Variants in DNM3 observed in about 807,000 individuals in gnomAD.
DNM3 encodes the protein dynamin-3.
Under a neutral mutation model 101.6 loss-of-function variants are expected in DNM3, and 47 were observed. The ratio of observed to expected loss-of-function variants is 0.46; its 90% CI spans 0.37 to 0.59. The LOEUF (loss-of-function observed/expected upper bound fraction) is 0.59, where lower values mean the gene tolerates loss of function less well. Ranked by LOEUF, DNM3 falls within the 20% of genes least tolerant of loss-of-function variation. DNM3 has a pLI of 0.00. For missense variants in DNM3, 849 were observed against 1,085.7 expected (o/e 0.78, Z 3.06); for synonymous variants, 385 against 387.9 (o/e 0.99, Z 0.09).
intron 14 of DNM3, among the ~76,000 whole-genome samples, chr1:172,248,249 C>T (rs1269455486): frequency 1.3e-5 from 2 of 152,096 alleles, no homozygotes; most frequent in African/African-American, 4.8e-5. Context: ...ATCTTTGAAG[C>T]ATTAAAACTA....
At chr1:172,347,965 A>G (rs959581941) in intron 17 of DNM3, among the ~76,000 whole-genome samples, 4 of 152,064 alleles carry the variant, frequency 2.6e-5, no homozygotes, top group African/African-American at 9.7e-5. Context: ...TATATATAAT[A>G]TATTCTTTTT....
Position 172,131,275 on chromosome 1 carries a change from A to T in DNM3, c.1646A>T (p.Tyr549Phe), listed in dbSNP as rs562518281. 1.4e-5 allele frequency: 23 copies of T among 1,613,002 alleles called. No individual in the cohort carries two copies. The highest frequency in any genetic ancestry group is 1.8e-5 in the Non-Finnish European group (21 of 1,179,398). ...FVLTAESLSW[Y>F]KDDEEKEKKY... ...CTTACTGCGGAAAGCTTGTCCTGGT[A>T]TAAAGATGATGAGGTAAGTCACAGA... The change falls in exon 14 of 21, where the codon TAT becomes TTT. Residue 549 changes from tyrosine to phenylalanine, a missense_variant. Coordinates refer to ENST00000627582, the MANE Select transcript of DNM3 (RefSeq NM_015569.5).
intron 10 of DNM3, among the ~76,000 whole-genome samples, chr1:172,054,894 G>C (rs954698214): frequency 1.3e-5 from 2 of 152,068 alleles, no homozygotes; most frequent in Non-Finnish European, 2.9e-5. Flanking sequence ...GGGAAGCGGC[G>C]GTTGCAGTGA....
intron 2 of DNM3, among the ~76,000 whole-genome samples, chr1:171,953,363 C>T (rs2042650216): frequency 6.6e-6 from 1 of 151,506 alleles, no homozygotes; most frequent in Non-Finnish European, 1.5e-5. Context: ...TATCAGTTAT[C>T]TGACCTTTAA....
intron 14 of DNM3, 30 bp from the exon 15 acceptor site, chr1:172,253,524 CCTCTCCTCTCCTCTCCTCT>C: frequency 1.4e-5 from 18 of 1,257,578 alleles, no homozygotes; most frequent in Non-Finnish European, 1.9e-5. Context: ...CCTCTCCTCT[CCTCTCCTCTCCTCTCCTCT>C]CCCTCTTTTC....
chr1:172,130,363 C>T (rs2148071858), intron 13 of DNM3, among the ~76,000 whole-genome samples: 1 of 152,148 alleles, frequency 6.6e-6, no homozygotes, highest in Middle Eastern at 3.4e-3. Flanking sequence ...CAGAATTTAA[C>T]TTCACAATAA....
Position 172,042,669 on chromosome 1 carries a change from G to T in DNM3, c.1128+525G>T, listed in dbSNP as rs143438189. Among the ~76,000 whole-genome samples, 684 of 152,252 alleles carry T rather than the reference G, an allele frequency of 4.5e-3. 1 individual carries two copies. The highest frequency in any genetic ancestry group is 0.015 in the African/African-American group (623 of 41,568). ...CAACTGGGTAAAGATCTGGGGGAAA[G>T]GGGTTGTTCAAGGCAGAAGTAGCAA... On this transcript the variant is annotated intron_variant, in intron 8 of 20. Coordinates refer to ENST00000627582, the MANE Select transcript of DNM3 (RefSeq NM_015569.5).
At chr1:172,030,678 T>A (rs2048536965) in intron 4 of DNM3, among the ~76,000 whole-genome samples, 1 of 151,932 alleles carries the variant, frequency 6.6e-6, no homozygotes, top group Non-Finnish European at 1.5e-5. Context: ...ATCCAGAATC[T>A]ACAAAGAACA....
intron 17 of DNM3, among the ~76,000 whole-genome samples, chr1:172,355,453 T>C (rs2067402530): frequency 6.6e-6 from 1 of 152,156 alleles, no homozygotes; most frequent in Non-Finnish European, 1.5e-5. Context: ...ATTTTATGAA[T>C]AGATTAAACA....
chr1:172,245,689 G>A (rs1367828756), intron 14 of DNM3, among the ~76,000 whole-genome samples: 1 of 152,210 alleles, frequency 6.6e-6, no homozygotes, highest in Non-Finnish European at 1.5e-5. Flanking sequence ...GCTGCTCCAT[G>A]TAGAGCACCT....
intron 2 of DNM3, among the ~76,000 whole-genome samples, chr1:171,971,812 C>T (rs1265733651): frequency 6.6e-6 from 1 of 152,054 alleles, no homozygotes; most frequent in African/African-American, 2.4e-5. Context: ...AAGCTTCATA[C>T]GAAAATGAAG....
chr1:172,101,999 C>T (rs559211063), intron 13 of DNM3, among the ~76,000 whole-genome samples: 2 of 152,192 alleles, frequency 1.3e-5, no homozygotes, highest in South Asian at 4.2e-4. Context: ...GCTGGAATTA[C>T]AGATGTGTGC....
intron 1 of DNM3, among the ~76,000 whole-genome samples, chr1:171,867,428 G>A (rs1214084242): frequency 6.6e-6 from 1 of 152,196 alleles, no homozygotes; most frequent in Non-Finnish European, 1.5e-5. Context: ...ATCTGCGCTA[G>A]GCTCCAGTAG....
At chr1:171,846,885 GA>G (rs2032192574) in intron 1 of DNM3, among the ~76,000 whole-genome samples, 1 of 152,206 alleles carries the variant, frequency 6.6e-6, no homozygotes, top group South Asian at 2.1e-4. Context: ...AGCAGACATG[GA>G]TTCTGCTAGA....
At chr1:171,964,867 C>CT (rs979042549) in intron 2 of DNM3, among the ~76,000 whole-genome samples, 34 of 146,234 alleles carry the variant, frequency 2.3e-4, no homozygotes, top group Non-Finnish European at 2.7e-4. Context: ...GTTGTGGCAC[C>CT]TTTTTTTTTT....
intron 13 of DNM3, among the ~76,000 whole-genome samples, chr1:172,114,231 T>C (rs1489269155): frequency 6.6e-6 from 1 of 152,136 alleles, no homozygotes; most frequent in Non-Finnish European, 1.5e-5. Context: ...TGACAAGTCG[T>C]GGCTAACCAT....
chr1:171,941,029 T>G (rs2041775407), intron 2 of DNM3, among the ~76,000 whole-genome samples: 1 of 152,190 alleles, frequency 6.6e-6, no homozygotes, highest in Non-Finnish European at 1.5e-5. Flanking sequence ...TAAATTATTT[T>G]GTATCTGTGC....
intron 17 of DNM3, among the ~76,000 whole-genome samples, chr1:172,353,098 A>G (rs564980225): frequency 6.6e-6 from 1 of 152,244 alleles, no homozygotes; most frequent in Admixed American, 6.5e-5. Context: ...CCAAGCAGCC[A>G]TATCCACAGG....
intron 2 of DNM3, among the ~76,000 whole-genome samples, chr1:171,969,508 A>G (rs540258604): frequency 2.9e-4 from 44 of 152,302 alleles, no homozygotes; most frequent in African/African-American, 9.6e-4. Context: ...TGCCCTAACA[A>G]TAGATGAGAA....
Sources: gnomAD v4.1 joint callset for allele counts (sites outside exome capture counted in the v4.1 genomes callset) on GRCh38, gnomAD v4.1.1 for gene constraint, MANE v1.5 for transcripts, NCBI Gene and HGNC (gene_info 2026-07-23, HGNC 2026-07-21) for gene names.